Variants in PARPBP observed in about 807,000 individuals in gnomAD.
PARPBP encodes PCNA-interacting partner.
PARPBP carries 52 observed loss-of-function variants against 50.0 expected under a neutral mutation model. That is an observed-to-expected ratio of 1.04 (90% confidence interval 0.83 to 1.31). The LOEUF is 1.31. PARPBP is among the 50% of genes most tolerant of loss of function. The pLI, the probability that PARPBP is intolerant of heterozygous loss-of-function variation, is 0.00. For synonymous variants in PARPBP, 244 were observed against 232.1 expected (o/e 1.05, Z -0.47); for missense variants, 697 against 672.0 (o/e 1.04, Z -0.41).
intron 1 of PARPBP, among the ~76,000 whole-genome samples, chr12:102,121,778 A>G (rs1204748432): frequency 6.6e-6 from 1 of 152,016 alleles, no homozygotes; most frequent in African/African-American, 2.4e-5. Context: ...TCCTAACCTT[A>G]GGTGAGCCTC....
chr12:102,148,310 A>C lies in PARPBP; in HGVS notation c.234A>C (p.Pro78=). The part of the protein sequence containing the change: ...KYLLHEKLNL[P]VENMDVTDHY... ...TGCTCCATGAGAAATTGAACTTACCAGTTGAAAACATGGACGTGACTGACC... is the reference window on the plus strand; with the variant it reads ...TGCTCCATGAGAAATTGAACTTACCCGTTGAAAACATGGACGTGACTGACC... The change falls in exon 3 of 11, where the codon CCA becomes CCC. Residue 78 remains proline, a synonymous_variant. Transcript: ENST00000327680. 1 of 1,606,874 alleles carries C rather than the reference A, an allele frequency of 6.2e-7. No homozygotes were observed. The highest frequency in any genetic ancestry group is 8.5e-7 in the Non-Finnish European group (1 of 1,174,066).
At chr12:102,172,370 A>T (rs370140360) in intron 6 of PARPBP, among the ~76,000 whole-genome samples, 1 of 152,202 alleles carries the variant, frequency 6.6e-6, no homozygotes, top group East Asian at 1.9e-4. Context: ...TGAGCTCTTA[A>T]AGAGAAAGAT....
At chr12:102,171,144 A>AGTG (rs1191262314) in intron 6 of PARPBP, among the ~76,000 whole-genome samples, 1 of 150,820 alleles carries the variant, frequency 6.6e-6, no homozygotes, top group African/African-American at 2.4e-5. Context: ...TATTTCAGTT[A>AGTG]GTGCTTTTTT....
intron 2 of PARPBP, among the ~76,000 whole-genome samples, chr12:102,135,702 G>T (rs1883530168): frequency 6.6e-6 from 1 of 151,988 alleles, no homozygotes; most frequent in Non-Finnish European, 1.5e-5. Context: ...GTATAAAGAG[G>T]GTATCTTTCA....
chr12:102,171,868 C>CAA (rs754077504), intron 6 of PARPBP, among the ~76,000 whole-genome samples: 5 of 100,956 alleles, frequency 5.0e-5, no homozygotes, highest in African/African-American at 1.1e-4. Context: ...GACTCCGCCT[C>CAA]AAAAAAAAAA....
intron 9 of PARPBP, among the ~76,000 whole-genome samples, chr12:102,189,517 C>T (rs1320379681): frequency 6.6e-6 from 1 of 152,106 alleles, no homozygotes; most frequent in Admixed American, 6.6e-5. Context: ...ACATGGCTAG[C>T]ACATTAAACA....
At chr12:102,130,043 A>G (rs988818935) in intron 2 of PARPBP, among the ~76,000 whole-genome samples, 1 of 152,202 alleles carries the variant, frequency 6.6e-6, no homozygotes. Context: ...AGAAAAACAG[A>G]CACATAGACC....
chr12:102,124,842 T>G (rs1881719794), intron 2 of PARPBP, among the ~76,000 whole-genome samples: 1 of 152,200 alleles, frequency 6.6e-6, no homozygotes, highest in Admixed American at 6.5e-5. Flanking sequence ...TTAGATTCCA[T>G]AGACAGTAAA....
chr12:102,155,999 C>T (rs1015947339), intron 4 of PARPBP, among the ~76,000 whole-genome samples: 1 of 152,048 alleles, frequency 6.6e-6, no homozygotes, highest in Non-Finnish European at 1.5e-5. Context: ...AGCTATAACA[C>T]TCACTGCGTG....
At chr12:102,192,612 A>G (rs1257541806) in intron 9 of PARPBP, among the ~76,000 whole-genome samples, 1 of 152,118 alleles carries the variant, frequency 6.6e-6, no homozygotes, top group South Asian at 2.1e-4. Flanking sequence ...TTAAACTTAA[A>G]TACTGGACTT....
At chr12:102,135,797 A>G (rs1883543620) in intron 2 of PARPBP, among the ~76,000 whole-genome samples, 1 of 152,148 alleles carries the variant, frequency 6.6e-6, no homozygotes. Flanking sequence ...GAGTACTTTT[A>G]GCCTAGATTT....
At chr12:102,191,164 A>G (rs1890755178) in intron 9 of PARPBP, among the ~76,000 whole-genome samples, 1 of 152,156 alleles carries the variant, frequency 6.6e-6, no homozygotes, top group South Asian at 2.1e-4. Context: ...CAGACCATAC[A>G]TATAGTAAGT....
At chr12:102,146,300 TA>T (rs1885341585) in intron 2 of PARPBP, among the ~76,000 whole-genome samples, 2 of 152,190 alleles carry the variant, frequency 1.3e-5, no homozygotes, top group Non-Finnish European at 2.9e-5. Flanking sequence ...GGCATCACGC[TA>T]CCTGACTTCA....
intron 4 of PARPBP, 134 bp from the exon 5 acceptor site, chr12:102,164,304 G>A: frequency 1.5e-6 from 1 of 652,742 alleles, no homozygotes; most frequent in Non-Finnish European, 2.6e-6. Context: ...TTTTTATATG[G>A]CAGTTTTATT....
rs753560545 is a variant in PARPBP at position 102,164,435 on chromosome 12, C to T, written c.496-3C>T. 6.2e-7 allele frequency: 1 copy of T among 1,603,816 alleles called. No homozygotes were observed. Among genetic ancestry groups the T allele is most frequent in the Admixed American group, 1.7e-5 (1 of 59,764 alleles). On this transcript the variant is annotated splice_region_variant and splice_polypyrimidine_tract_variant and intron_variant, in intron 4 of 10. Transcript: ENST00000327680. ...GAAATTAACTGAATATTTTATTGCA[C>T]AGGTGCAGCTGCTAGCAAGGAAAAT...
intron 2 of PARPBP, among the ~76,000 whole-genome samples, chr12:102,127,889 A>C (rs1207242394): frequency 2.0e-5 from 3 of 152,228 alleles, no homozygotes; most frequent in Non-Finnish European, 4.4e-5. Flanking sequence ...AATTTTTAAA[A>C]AAAATTAGTT....
At chr12:102,188,802 A>G (rs1475823095) in intron 9 of PARPBP, among the ~76,000 whole-genome samples, 1 of 152,134 alleles carries the variant, frequency 6.6e-6, no homozygotes, top group Non-Finnish European at 1.5e-5. Flanking sequence ...AAAATATATG[A>G]AAAAAATGGA....
intron 4 of PARPBP, among the ~76,000 whole-genome samples, chr12:102,155,953 C>T (rs566334323): frequency 6.4e-4 from 97 of 152,270 alleles, no homozygotes; most frequent in African/African-American, 2.3e-3. Flanking sequence ...TCGCTGGGTT[C>T]CACGGTTCTC....
intron 2 of PARPBP, among the ~76,000 whole-genome samples, chr12:102,125,302 A>G (rs2137073458): frequency 6.6e-6 from 1 of 152,340 alleles, no homozygotes; most frequent in African/African-American, 2.4e-5. Flanking sequence ...TATTAATAAT[A>G]GTGTTATTAA....
Sources: allele counts gnomAD v4.1 joint callset (sites outside exome capture counted in the v4.1 genomes callset), GRCh38; gene constraint gnomAD v4.1.1; transcripts MANE v1.5; gene names NCBI Gene and HGNC (gene_info 2026-07-23, HGNC 2026-07-21).